The following MALRD1 variants were observed in gnomAD, a reference collection of about 807,000 sequenced individuals.
MALRD1 encodes MAM and LDL receptor class A domain containing 1.
A neutral mutation model predicts 242.1 loss-of-function variants in MALRD1; 247 were observed. The observed-to-expected ratio is 1.02, with a 90% confidence interval of 0.92 to 1.13. MALRD1 has a LOEUF of 1.13. Ranked by LOEUF, MALRD1 falls within the 50% of genes most tolerant of loss-of-function variation. The pLI, the probability that MALRD1 is intolerant of heterozygous loss-of-function variation, is 0.00. For synonymous variants in MALRD1, 995 were observed against 866.6 expected (o/e 1.15, Z -2.60); for missense variants, 2,989 against 2,533.1 (o/e 1.18, Z -3.86).
intron 14 of MALRD1, among the ~76,000 whole-genome samples, chr10:19,197,825 C>G (rs1050784928): frequency 2.0e-5 from 3 of 152,172 alleles, no homozygotes; most frequent in African/African-American, 7.2e-5. Flanking sequence ...CCACACCCCC[C>G]TGGCTTTCAT....
At chr10:19,461,609 G>T (rs966017266) in intron 29 of MALRD1, among the ~76,000 whole-genome samples, 4 of 152,102 alleles carry the variant, frequency 2.6e-5, no homozygotes, top group African/African-American at 9.7e-5. Context: ...CACTGTGGGG[G>T]GAGGCTGAGG....
At chr10:19,592,864 A>G (rs1010421265) in intron 33 of MALRD1, among the ~76,000 whole-genome samples, 1 of 152,040 alleles carries the variant, frequency 6.6e-6, no homozygotes, top group Non-Finnish European at 1.5e-5. Context: ...TCATTTTTTA[A>G]AAAGAAAAGG....
At chr10:19,277,302 A>C (rs1423466102) in intron 19 of MALRD1, among the ~76,000 whole-genome samples, 1 of 152,168 alleles carries the variant, frequency 6.6e-6, no homozygotes, top group Admixed American at 6.5e-5. Flanking sequence ...TAGAATGCTC[A>C]TTTACTTAAC....
chr10:19,547,808 ATATATATATATTTTTTTT>A (rs1220431097), intron 32 of MALRD1, among the ~76,000 whole-genome samples: 25 of 13,974 alleles, frequency 1.8e-3, no homozygotes, highest in African/African-American at 5.6e-3. Flanking sequence ...ATATATATAT[ATATATATATATTTTTTTT>A]TTTTTTTTTT....
intron 32 of MALRD1, among the ~76,000 whole-genome samples, chr10:19,557,063 A>G (rs181542626): frequency 5.9e-5 from 9 of 152,260 alleles, no homozygotes; most frequent in Middle Eastern, 3.4e-3. Flanking sequence ...AGTATTTTCT[A>G]TATGCCATTA....
At chr10:19,118,366 A>T (rs1836945667) in intron 5 of MALRD1, among the ~76,000 whole-genome samples, 1 of 152,200 alleles carries the variant, frequency 6.6e-6, no homozygotes, top group Non-Finnish European at 1.5e-5. Flanking sequence ...CAATTTGGGG[A>T]GACATAAAAT....
chr10:19,266,874 A>G (rs939482050), intron 19 of MALRD1, among the ~76,000 whole-genome samples: 3 of 151,998 alleles, frequency 2.0e-5, no homozygotes, highest in Admixed American at 1.3e-4. Flanking sequence ...TTATCATTAG[A>G]TATAGGAATG....
At chr10:19,148,152 A>C (rs1377911125) in intron 11 of MALRD1, among the ~76,000 whole-genome samples, 1 of 152,150 alleles carries the variant, frequency 6.6e-6, no homozygotes, top group Admixed American at 6.6e-5. Context: ...AGTCAAAAAA[A>C]CATGGATGTG....
At chr10:19,119,543 G>T (rs1836989717) in intron 5 of MALRD1, among the ~76,000 whole-genome samples, 1 of 152,158 alleles carries the variant, frequency 6.6e-6, no homozygotes, top group South Asian at 2.1e-4. Context: ...CTTGTGCTCA[G>T]TCGGTTCCTG....
chr10:19,615,414 G>A (rs568388688), intron 35 of MALRD1, among the ~76,000 whole-genome samples: 35 of 149,330 alleles, frequency 2.3e-4, no homozygotes, highest in Admixed American at 7.4e-4. Context: ...GCTATTCAAG[G>A]CTGAGGTGGG....
chr10:19,473,457 C>A (rs2131147491), intron 29 of MALRD1, among the ~76,000 whole-genome samples: 1 of 151,906 alleles, frequency 6.6e-6, no homozygotes, highest in South Asian at 2.1e-4. Flanking sequence ...AAATTCTGTA[C>A]CTGTTGACAA....
intron 38 of MALRD1, among the ~76,000 whole-genome samples, chr10:19,701,696 T>A (rs1383330287): frequency 1.7e-5 from 2 of 120,088 alleles, no homozygotes; most frequent in African/African-American, 6.2e-5. Flanking sequence ...CCCCTCCCCT[T>A]CCTCTTCCCC....
At chr10:19,577,468 T>C (rs546570002) in intron 33 of MALRD1, among the ~76,000 whole-genome samples, 40 of 152,284 alleles carry the variant, frequency 2.6e-4, no homozygotes, top group African/African-American at 9.6e-4. Flanking sequence ...TGGAGGAGTC[T>C]GCCTGTTATA....
intron 28 of MALRD1, among the ~76,000 whole-genome samples, chr10:19,434,086 T>G (rs1834254103): frequency 6.6e-6 from 1 of 152,190 alleles, no homozygotes; most frequent in South Asian, 2.1e-4. Context: ...GCTCCTTTGA[T>G]CTTCATAATT....
At chr10:19,372,622 C>G (rs907155350) in intron 26 of MALRD1, among the ~76,000 whole-genome samples, 4 of 151,814 alleles carry the variant, frequency 2.6e-5, no homozygotes, top group East Asian at 1.9e-4. Flanking sequence ...TGCTCATTAT[C>G]ACGCCTGGCT....
At chr10:19,151,557 G>T (rs1833944314) in intron 11 of MALRD1, among the ~76,000 whole-genome samples, 1 of 152,046 alleles carries the variant, frequency 6.6e-6, no homozygotes, top group Non-Finnish European at 1.5e-5. Flanking sequence ...AGAATTTCTA[G>T]AATGTGTTGA....
Position 19,423,447 on chromosome 10 carries a change from G to C in MALRD1, c.4846-26860G>C, listed in dbSNP as rs1039984077. The stretch of plus-strand genomic sequence containing the variant: ...AGGTAGATTAATCTGGTACAAAAAT[G>C]CCCTCCCACCCCCCAGAAAAACATA... On this transcript the variant is annotated intron_variant, in intron 28 of 39. Transcript: ENST00000454679. 2.0e-5 allele frequency among the ~76,000 whole-genome samples: 3 copies of C among 151,732 alleles called. No homozygotes were observed. In the South Asian group the frequency reaches 6.3e-4, roughly 32 times the overall value.
At chr10:19,190,044 A>T (rs1225734008) in intron 14 of MALRD1, among the ~76,000 whole-genome samples, 1 of 152,124 alleles carries the variant, frequency 6.6e-6, no homozygotes, top group African/African-American at 2.4e-5. Flanking sequence ...GGAAACAAAG[A>T]ATTTTTATAT....
chr10:19,333,309 T>C (rs1843468924), intron 24 of MALRD1, among the ~76,000 whole-genome samples: 1 of 152,164 alleles, frequency 6.6e-6, no homozygotes, highest in African/African-American at 2.4e-5. Context: ...TTCTCTTCAC[T>C]CTAGTAGTCC....
Sources: gnomAD v4.1 joint callset for allele counts (sites outside exome capture counted in the v4.1 genomes callset) on GRCh38, gnomAD v4.1.1 for gene constraint, MANE v1.5 for transcripts, NCBI Gene and HGNC (gene_info 2026-07-23, HGNC 2026-07-21) for gene names.